The following SLC12A7 variants were observed in gnomAD, a reference collection of about 807,000 sequenced individuals.
SLC12A7 encodes the protein K-Cl cotransporter 4.
SLC12A7 carries 100 observed loss-of-function variants against 120.6 expected under a neutral mutation model. The observed-to-expected ratio is 0.83, with a 90% CI of 0.71 to 0.98. The LOEUF (loss-of-function observed/expected upper bound fraction) is 0.98. Ranked by LOEUF, SLC12A7 falls within the 50% of genes least tolerant of loss-of-function variation. SLC12A7 has a pLI of 0.00. For missense variants in SLC12A7, 1,373 were observed against 1,548.1 expected, an observed-to-expected ratio of 0.89 and a Z score of 1.90; for synonymous variants, 760 against 678.0, an observed-to-expected ratio of 1.12 and a Z score of -1.88.
the SLC12A7 span, among the ~76,000 whole-genome samples, chr5:1,120,346 T>C: frequency 1.3e-5 from 2 of 152,170 alleles, no homozygotes; most frequent in Admixed American, 1.3e-4. Context: ...GAAGACGGCT[T>C]ACAGACCAGC....
At chr5:1,103,976 G>A (rs1233210357) in intron 1 of SLC12A7, among the ~76,000 whole-genome samples, 2 of 152,240 alleles carry the variant, frequency 1.3e-5, no homozygotes, top group Admixed American at 6.5e-5. Context: ...CAGGAGCAGA[G>A]ATGAAGGAAG....
At chr5:1,137,969 G>A in the SLC12A7 span, among the ~76,000 whole-genome samples, 54 of 152,290 alleles carry the variant, frequency 3.5e-4, no homozygotes, top group African/African-American at 6.3e-4. Context: ...CTGGTTCCTG[G>A]GCTCCTGGTT....
intron 17 of SLC12A7, among the ~76,000 whole-genome samples, chr5:1,066,521 A>G (rs537112801): frequency 7.7e-4 from 117 of 152,312 alleles, no homozygotes; most frequent in African/African-American, 2.6e-3. Context: ...CAGTGGGTTG[A>G]ATAGTGCCCC....
chr5:1,052,623 G>A (rs1438188650), intron 23 of SLC12A7, among the ~76,000 whole-genome samples, 172 bp from the exon 24 acceptor site: 1 of 65,854 alleles, frequency 1.5e-5, no homozygotes, highest in African/African-American at 3.2e-5. Context: ...GCGGGGAGGA[G>A]CAGGGCAGGG....
At chr5:1,126,544 T>C in the SLC12A7 span, among the ~76,000 whole-genome samples, 1 of 152,240 alleles carries the variant, frequency 6.6e-6, no homozygotes. Context: ...CACAAGTAAA[T>C]TTGTGTCATG....
At position 1,050,954 on chromosome 5, in the gene SLC12A7, A is replaced by G; in HGVS notation, c.*1406T>C. The stretch of plus-strand genomic sequence containing the variant: ...TCCCTTGGGAGACCATGCAAGCCAG[A>G]CGTAGCCCAAGGCCTGGCCATCTGG... On this transcript the variant is annotated 3_prime_UTR_variant, in exon 24 of 24. Transcript: ENST00000264930. The G allele has an allele frequency of 2.5e-6, 1 of 398,660 alleles. No individual in the cohort carries two copies. The highest frequency in any genetic ancestry group is 3.6e-5 in the East Asian group (1 of 28,082). 24.7% of individuals were successfully genotyped at this position (398,660 alleles called of 1,614,324 possible). A position where few individuals can be genotyped will look rare whatever the true frequency, so the allele number is the denominator to read the frequency against.
chr5:1,085,597 C>T, intron 6 of SLC12A7, 124 bp from the exon 7 acceptor site: 1 of 1,374,854 alleles, frequency 7.3e-7, no homozygotes, highest in Non-Finnish European at 9.7e-7. Context: ...CATCGGGACG[C>T]ATCCGTGCTG....
At chr5:1,095,347 C>T (rs1451225307) in intron 1 of SLC12A7, among the ~76,000 whole-genome samples, 1 of 152,226 alleles carries the variant, frequency 6.6e-6, no homozygotes, top group African/African-American at 2.4e-5. Context: ...GCCCGGGACC[C>T]CTGAGCAGCC....
chr5:1,084,738 G>C (rs34597478), intron 7 of SLC12A7, among the ~76,000 whole-genome samples: 49,169 of 152,082 alleles, frequency 0.32, 9,818 homozygotes, highest in Non-Finnish European at 0.45. Flanking sequence ...GGAGCCTCAA[G>C]GGGCTTGGCT....
intron 1 of SLC12A7, among the ~76,000 whole-genome samples, chr5:1,108,611 C>T (rs151321130): frequency 5.9e-5 from 9 of 152,314 alleles, no homozygotes; most frequent in Admixed American, 6.5e-5. Flanking sequence ...AGAACCTGGA[C>T]GCTCTGTGTG....
chr5:1,144,164 A>G, the SLC12A7 span, among the ~76,000 whole-genome samples: 1 of 151,586 alleles, frequency 6.6e-6, no homozygotes, highest in Non-Finnish European at 1.5e-5. Context: ...GCACCCACCA[A>G]CCTCAGGGAG....
At chr5:1,077,643 G>C (rs940424593) in intron 12 of SLC12A7, among the ~76,000 whole-genome samples, 190 bp downstream of exon 12, 9 of 152,310 alleles carry the variant, frequency 5.9e-5, no homozygotes, top group African/African-American at 1.9e-4. Flanking sequence ...AGGAGGGCTA[G>C]AATTGCCTCT....
chr5:1,073,507 G>A (rs376405662), intron 17 of SLC12A7, 126 bp downstream of exon 17: 243 of 1,105,566 alleles, frequency 2.2e-4, no homozygotes, highest in African/African-American at 1.0e-3. Flanking sequence ...CCACCGCCAC[G>A]GCTAAAACAC....
chr5:1,148,822 A>G, the SLC12A7 span, among the ~76,000 whole-genome samples: 70,779 of 152,006 alleles, frequency 0.47, 16,974 homozygotes, highest in East Asian at 0.6. Context: ...CTGTTTTCAG[A>G]AAAAACTGGT....
intron 17 of SLC12A7, 39 bp downstream of exon 17, chr5:1,073,594 T>C (rs1737957009): frequency 6.4e-7 from 1 of 1,568,414 alleles, no homozygotes; most frequent in Non-Finnish European, 8.6e-7. Context: ...GCAGCTGGGG[T>C]GGGAAAGAGG....
chr5:1,052,623 G>C (rs1438188650), intron 23 of SLC12A7, among the ~76,000 whole-genome samples, 172 bp from the exon 24 acceptor site: 1 of 65,854 alleles, frequency 1.5e-5, no homozygotes, highest in African/African-American at 3.2e-5. Flanking sequence ...GCGGGGAGGA[G>C]CAGGGCAGGG....
At chr5:1,063,277 G>A (rs1483340382) in intron 20 of SLC12A7, among the ~76,000 whole-genome samples, 3 of 152,202 alleles carry the variant, frequency 2.0e-5, no homozygotes, top group Admixed American at 6.5e-5. Context: ...CCCGGGTCCC[G>A]ACTGCTGATG....
the SLC12A7 span, among the ~76,000 whole-genome samples, chr5:1,138,757 G>A: frequency 6.6e-6 from 1 of 152,216 alleles, no homozygotes; most frequent in Non-Finnish European, 1.5e-5. Flanking sequence ...ACAGGATCAA[G>A]GTCCAAACTT....
the SLC12A7 span, among the ~76,000 whole-genome samples, chr5:1,151,995 T>G: frequency 6.6e-6 from 1 of 152,096 alleles, no homozygotes; most frequent in Non-Finnish European, 1.5e-5. The surrounding 1 kb of genome is among the most constrained non-coding windows in gnomAD (Gnocchi z 6.2). Flanking sequence ...GGAAAGAGGG[T>G]GCAGTCACAT....
Sources: gnomAD v4.1 joint callset for allele counts (sites outside exome capture counted in the v4.1 genomes callset) on GRCh38, gnomAD v4.1.1 for gene constraint, Gnocchi (gnomAD v3.1) non-coding constraint, MANE v1.5 for transcripts, NCBI Gene and HGNC (gene_info 2026-07-23, HGNC 2026-07-21) for gene names.